IL1RAPL2: variants seen among roughly 807,000 people sequenced by gnomAD.
IL1RAPL2 encodes interleukin 1 receptor accessory protein like 2, also known as X-linked interleukin-1 receptor accessory protein-like 2.
In IL1RAPL2, 3 loss-of-function variants were observed where a neutral mutation model predicts 44.1. The observed-to-expected ratio is 0.07, with a 90% confidence interval of 0.03 to 0.18. The LOEUF (loss-of-function observed/expected upper bound fraction) is 0.18. Among genes scored for constraint, IL1RAPL2 ranks in the 10% least tolerant of loss-of-function variants. IL1RAPL2 has a pLI of 1.00. For synonymous variants in IL1RAPL2, 181 were observed against 178.8 expected (o/e 1.01, Z -0.10); for missense variants, 391 against 496.4 (o/e 0.79, Z 2.02).
chrX:105,590,832 T>TGC (rs1483682929), intron 6 of IL1RAPL2, among the ~76,000 whole-genome samples: 4 of 102,011 alleles, frequency 3.9e-5, no homozygotes, highest in South Asian at 4.4e-4. Context: ...TGTGTGTGTG[T>TGC]GTGTGTGTGT....
chrX:104,970,861 A>G (rs1176509037), intron 2 of IL1RAPL2, among the ~76,000 whole-genome samples: 1 of 112,101 alleles, frequency 8.9e-6, no homozygotes, highest in Non-Finnish European at 1.9e-5. Flanking sequence ...CCAGAGGAAT[A>G]AAAATCTCTG....
intron 7 of IL1RAPL2, among the ~76,000 whole-genome samples, chrX:105,718,545 G>A (rs1264770536): frequency 9.0e-6 from 1 of 111,185 alleles, no homozygotes; most frequent in East Asian, 2.8e-4. Flanking sequence ...GACATGTTTA[G>A]TAATCAAGGA....
chrX:105,407,068 G>A (rs1166945119), intron 5 of IL1RAPL2: 4 of 660,529 alleles, frequency 6.1e-6, no homozygotes, highest in East Asian at 6.5e-5. Flanking sequence ...GCTGGAGGAA[G>A]ATGTACAAGA....
chrX:104,874,766 T>G (rs893300458), intron 2 of IL1RAPL2, among the ~76,000 whole-genome samples: 2 of 111,675 alleles, frequency 1.8e-5, no homozygotes, highest in African/African-American at 6.5e-5. Context: ...TGTTCACCTC[T>G]TAGATTCACT....
chrX:105,641,252 A>G (rs1041596031), intron 6 of IL1RAPL2, among the ~76,000 whole-genome samples: 2 of 111,019 alleles, frequency 1.8e-5, no homozygotes, highest in Admixed American at 1.9e-4. Flanking sequence ...GGATCTAACA[A>G]TTCATTTCTA....
At chrX:104,741,525 G>A (rs1932101325) in intron 2 of IL1RAPL2, among the ~76,000 whole-genome samples, 1 of 110,705 alleles carries the variant, frequency 9.0e-6, no homozygotes, top group Non-Finnish European at 1.9e-5. Flanking sequence ...TTTATCTAAA[G>A]GAAAATGTGT....
Position 105,661,591 on chromosome X carries a change from G to A in IL1RAPL2, c.773-55776G>A, listed in dbSNP as rs184415466. On this transcript the variant is annotated intron_variant, in intron 6 of 10. Coordinates refer to ENST00000372582, the MANE Select transcript of IL1RAPL2 (RefSeq NM_017416.2). ...ATTCAGAATCTTTTCTGACCATAAT[G>A]GGATAAAACTAGAAATCAATAACAA... Among the ~76,000 whole-genome samples, 10 of 112,305 alleles carry A rather than the reference G, an allele frequency of 8.9e-5. 1 individual carries two copies. The East Asian group carries it at 2.2e-3, about 25-fold the overall frequency.
intron 1 of IL1RAPL2, among the ~76,000 whole-genome samples, chrX:104,567,887 T>C (rs765880320): frequency 1.8e-5 from 2 of 111,996 alleles, no homozygotes; most frequent in Non-Finnish European, 3.8e-5. Context: ...GCAAGGGAAA[T>C]GTGTATTATA....
At chrX:105,217,256 A>C (rs1335573625) in intron 3 of IL1RAPL2, among the ~76,000 whole-genome samples, 3 of 111,289 alleles carry the variant, frequency 2.7e-5, no homozygotes, top group East Asian at 2.8e-4. Flanking sequence ...CAAATTTACA[A>C]GAAAAAAACA....
chrX:104,979,171 G>A (rs2030391610), intron 2 of IL1RAPL2, among the ~76,000 whole-genome samples: 1 of 111,114 alleles, frequency 9.0e-6, no homozygotes, highest in Non-Finnish European at 1.9e-5. Context: ...TCTAGAAATA[G>A]ACTCAAACAC....
chrX:105,385,167 C>T (rs1221757951), intron 5 of IL1RAPL2, among the ~76,000 whole-genome samples: 2 of 111,491 alleles, frequency 1.8e-5, no homozygotes, highest in African/African-American at 3.3e-5. Context: ...TAAAAGTCTG[C>T]ATCCTTATCG....
intron 2 of IL1RAPL2, among the ~76,000 whole-genome samples, chrX:104,675,997 G>A (rs1387609820): frequency 9.4e-6 from 1 of 106,567 alleles, no homozygotes; most frequent in African/African-American, 3.4e-5. Context: ...GTGTGTCTCT[G>A]CACGTGAGAT....
intron 2 of IL1RAPL2, among the ~76,000 whole-genome samples, chrX:104,712,347 C>G (rs1402417952): frequency 1.8e-5 from 2 of 110,570 alleles, no homozygotes; most frequent in Non-Finnish European, 3.8e-5. Flanking sequence ...TTTTTGCCTC[C>G]AAGGCCAGAA....
intron 4 of IL1RAPL2, among the ~76,000 whole-genome samples, chrX:105,245,278 C>T (rs978110392): frequency 9.0e-6 from 1 of 111,507 alleles, no homozygotes; most frequent in Non-Finnish European, 1.9e-5. Flanking sequence ...TCTCATAGTC[C>T]GTTTTGAGTT....
intron 6 of IL1RAPL2, among the ~76,000 whole-genome samples, chrX:105,496,184 G>A (rs1384963780): frequency 8.9e-6 from 1 of 112,003 alleles, no homozygotes; most frequent in Non-Finnish European, 1.9e-5. Flanking sequence ...CCTGCTTCGA[G>A]TTATCCTGCC....
intron 2 of IL1RAPL2, among the ~76,000 whole-genome samples, chrX:105,041,363 G>A (rs1464971873): frequency 9.0e-6 from 1 of 110,995 alleles, no homozygotes; most frequent in East Asian, 2.8e-4. Context: ...CTGTTGATTT[G>A]GGGTGGAGAG....
intron 2 of IL1RAPL2, among the ~76,000 whole-genome samples, chrX:104,885,280 A>T (rs1488278350): frequency 7.2e-5 from 8 of 111,752 alleles, no homozygotes; most frequent in Admixed American, 5.7e-4. Flanking sequence ...CCCAGTATGG[A>T]TCCCCACTGG....
At chrX:104,953,671 G>A (rs1289175591) in intron 2 of IL1RAPL2, among the ~76,000 whole-genome samples, 1 of 111,102 alleles carries the variant, frequency 9.0e-6, no homozygotes, top group African/African-American at 3.3e-5. Context: ...GTTTCTAGAT[G>A]GAACAAAGGT....
intron 6 of IL1RAPL2, among the ~76,000 whole-genome samples, chrX:105,674,111 G>A (rs1300288250): frequency 2.7e-5 from 3 of 111,705 alleles, no homozygotes; most frequent in Non-Finnish European, 5.7e-5. Flanking sequence ...TTCTCCCACT[G>A]TGTAGGTTGC....
Sources: allele counts gnomAD v4.1 joint callset (sites outside exome capture counted in the v4.1 genomes callset), GRCh38; gene constraint gnomAD v4.1.1; transcripts MANE v1.5; gene names NCBI Gene and HGNC (gene_info 2026-07-23, HGNC 2026-07-21).